PCDHA13: variants seen among roughly 807,000 people sequenced by gnomAD.
The protein encoded by PCDHA13 is protocadherin alpha-13.
Under a neutral mutation model 64.8 loss-of-function variants are expected in PCDHA13, and 54 were observed. That is an observed-to-expected ratio of 0.83 (90% confidence interval 0.67 to 1.04). The LOEUF is 1.04. Among genes scored for constraint, PCDHA13 ranks in the 50% least tolerant of loss-of-function variants. The pLI, the probability that PCDHA13 is intolerant of heterozygous loss-of-function variation, is 0.00. For synonymous variants in PCDHA13, 587 were observed against 564.4 expected, an observed-to-expected ratio of 1.04 and a Z score of -0.57; for missense variants, 1,248 against 1,254.3, an observed-to-expected ratio of 0.99 and a Z score of 0.08.
rs370676797 is a variant in PCDHA13, at chr5:141,009,968, A to G, written c.*31A>G. On this transcript the variant is annotated 3_prime_UTR_variant, in exon 4 of 4. Transcript: ENST00000289272. ...TCAAATGGAAACAAGCCACTTAGCC[A>G]GTTTTTGTAATAATGGCAAATCTCT... 1.4e-5 allele frequency: 22 copies of G among 1,586,626 alleles called. No homozygotes were observed. The highest frequency in any genetic ancestry group is 1.6e-5 in the Non-Finnish European group (19 of 1,169,786).
intron 1 of PCDHA13, among the ~76,000 whole-genome samples, chr5:140,935,507 G>A (rs2090409706): frequency 6.6e-6 from 1 of 152,138 alleles, no homozygotes. Context: ...CCTTACAAAT[G>A]CCCAGTAGGC....
chr5:141,010,938 A>G lies in PCDHA13; in HGVS notation c.*1001A>G, dbSNP rs1210392691. ...TCAAAAGAGAATTCAGTCTACAGCC[A>G]TTTAAATGATCATTGCTGCTACAGA... On this transcript the variant is annotated 3_prime_UTR_variant, in exon 4 of 4. Coordinates refer to ENST00000289272, the MANE Select transcript of PCDHA13 (RefSeq NM_018904.3). 6 of 153,824 alleles carry G rather than the reference A, an allele frequency of 3.9e-5. No homozygotes were observed. Among genetic ancestry groups the G allele is most frequent in the African/African-American group, 1.4e-4 (6 of 41,470 alleles). The allele number at this position is 153,824 out of a possible 1,614,324, so 9.5% of individuals were successfully genotyped here. A position where few individuals can be genotyped will look rare whatever the true frequency, so the allele number is the denominator to read the frequency against.
chr5:140,992,414 G>T (rs868994021), intron 3 of PCDHA13, among the ~76,000 whole-genome samples: 1 of 152,128 alleles, frequency 6.6e-6, no homozygotes, highest in African/African-American at 2.4e-5. Flanking sequence ...TCTGCCCCAG[G>T]TCTAAGAATA....
At chr5:140,980,835 T>A (rs2096907301) in intron 2 of PCDHA13, among the ~76,000 whole-genome samples, 1 of 152,220 alleles carries the variant, frequency 6.6e-6, no homozygotes, top group South Asian at 2.1e-4. Flanking sequence ...GTTGTGAACC[T>A]AAATAATACT....
At position 140,982,579 on chromosome 5, in the gene PCDHA13, C is replaced by G. The variant is rs781915481; in HGVS notation, c.2542+16C>G. 7 of 1,612,084 alleles carry G rather than the reference C, an allele frequency of 4.3e-6. No individual in the cohort carries two copies. In the Admixed American group the frequency reaches 1.2e-4, roughly 27 times the overall value. On this transcript the variant is annotated intron_variant, in intron 3 of 3. Coordinates refer to ENST00000289272, the MANE Select transcript of PCDHA13 (RefSeq NM_018904.3). ...GCAACACCAGGTAAAGAGCTGGGGT[C>G]TCTCCATTCTTTCTTGGTTTCTGGA...
intron 3 of PCDHA13, among the ~76,000 whole-genome samples, chr5:140,984,789 A>G (rs2097121266): frequency 6.6e-6 from 1 of 152,202 alleles, no homozygotes; most frequent in African/African-American, 2.4e-5. Context: ...GGGTGAGCAT[A>G]GACAAACTGC....
intron 1 of PCDHA13, among the ~76,000 whole-genome samples, chr5:140,917,823 G>A (rs1167187844): frequency 6.6e-5 from 10 of 151,920 alleles, no homozygotes; most frequent in African/African-American, 1.9e-4. Context: ...AAGTTGGGTA[G>A]TGTGATGTCC....
chr5:140,927,045 C>G, intron 1 of PCDHA13: 1 of 1,612,254 alleles, frequency 6.2e-7, no homozygotes, highest in Non-Finnish European at 8.5e-7. Context: ...CCGCTATGTC[C>G]TCGCGGAACT....
rs781893809 is a variant in PCDHA13 at position 140,883,492 on chromosome 5, G to T, written c.1224G>T (p.Val408=). Residue 408 remains valine, a synonymous_variant, in exon 1 of 4, where the codon GTG becomes GTT. Transcript: ENST00000289272. ...VSTYKNYYSL[V]LDSALDRESV... ...CCTACAAGAACTACTACTCATTAGT[G>T]CTGGACAGCGCCCTGGACCGCGAGA... The T allele has an allele frequency of 4.3e-5, 69 of 1,614,058 alleles. 1 individual carries two copies. In the South Asian group the frequency reaches 7.5e-4, roughly 17 times the overall value.
At chr5:140,886,288 A>G (rs1227734409) in intron 1 of PCDHA13, among the ~76,000 whole-genome samples, 4 of 151,870 alleles carry the variant, frequency 2.6e-5, no homozygotes, top group Middle Eastern at 3.2e-3. Flanking sequence ...AATTATTTTT[A>G]TATTTATTTA....
chr5:140,990,518 T>G (rs2097397992), intron 3 of PCDHA13, among the ~76,000 whole-genome samples: 1 of 152,314 alleles, frequency 6.6e-6, no homozygotes, highest in South Asian at 2.1e-4. Context: ...CTCTCTTGTC[T>G]TTTTTGACTG....
At chr5:140,941,241 T>TTCTTTCTTTCTTTCTTTCTTTC in intron 1 of PCDHA13, among the ~76,000 whole-genome samples, 2 of 140,458 alleles carry the variant, frequency 1.4e-5, no homozygotes, top group South Asian at 4.5e-4. Context: ...CTTTCTTTCT[T>TTCTTTCTTTCTTTCTTTCTTTC]TCTTTCTTTC....
chr5:140,951,150 ATAGT>A (rs33995910), intron 1 of PCDHA13, among the ~76,000 whole-genome samples: 85,202 of 151,324 alleles, frequency 0.56, 24,547 homozygotes, highest in African/African-American at 0.69. Context: ...CTTATTGAAT[ATAGT>A]TATAGTAGCT....
At chr5:140,977,815 G>C (rs2096776039) in intron 1 of PCDHA13, among the ~76,000 whole-genome samples, 1 of 152,208 alleles carries the variant, frequency 6.6e-6, no homozygotes, top group Non-Finnish European at 1.5e-5. Context: ...ATTATTGACA[G>C]TTTTGAATGG....
intron 1 of PCDHA13, chr5:140,928,865 A>G: frequency 6.2e-7 from 1 of 1,614,072 alleles, no homozygotes; most frequent in Non-Finnish European, 8.5e-7. Flanking sequence ...CTGTTGAGCA[A>G]CTCTGTCCCT....
intron 1 of PCDHA13, among the ~76,000 whole-genome samples, chr5:140,941,214 C>CTTT (rs1554214039): frequency 0.031 from 3,845 of 122,336 alleles, 93 homozygotes; most frequent in South Asian, 0.048. Flanking sequence ...TTTCTTTCTT[C>CTTT]CTTTCTTTCT....
chr5:141,009,649 C>G lies in PCDHA13; in HGVS notation c.2565C>G (p.Ser855=). The change falls in exon 4 of 4, where the codon TCC becomes TCG. Residue 855 remains serine, a synonymous_variant. Coordinates refer to ENST00000289272, the MANE Select transcript of PCDHA13 (RefSeq NM_018904.3). ...ATPEPEAGEV[S]PPVGAGVNSN... ...CAGAACCAGAGGCAGGAGAAGTGTC[C>G]CCTCCAGTCGGTGCGGGTGTCAACA... 1 of 1,613,646 alleles carries G rather than the reference C, an allele frequency of 6.2e-7. No homozygotes were observed. The highest frequency in any genetic ancestry group is 8.5e-7 in the Non-Finnish European group (1 of 1,179,816).
intron 1 of PCDHA13, among the ~76,000 whole-genome samples, chr5:140,890,597 G>A (rs527637387): frequency 2.6e-5 from 4 of 152,002 alleles, no homozygotes; most frequent in African/African-American, 4.8e-5. Flanking sequence ...GCCCTTTTCC[G>A]AATAGCTAGT....
intron 1 of PCDHA13, among the ~76,000 whole-genome samples, chr5:140,917,662 C>T (rs1554198266): frequency 6.6e-6 from 1 of 152,118 alleles, no homozygotes; most frequent in Admixed American, 6.6e-5. Flanking sequence ...AGTAGGAAGT[C>T]CTTTCTCCAT....
Sources: gnomAD v4.1 joint callset for allele counts (sites outside exome capture counted in the v4.1 genomes callset) on GRCh38, gnomAD v4.1.1 for gene constraint, MANE v1.5 for transcripts, NCBI Gene and HGNC (gene_info 2026-07-23, HGNC 2026-07-21) for gene names.